PPARG: variants seen among roughly 807,000 people sequenced by gnomAD.
PPARG encodes the protein peroxisome proliferator-activated receptor gamma.
A neutral mutation model predicts 39.2 loss-of-function variants in PPARG; 17 were observed. The observed-to-expected ratio is 0.43, with a 90% CI of 0.30 to 0.65. The LOEUF (loss-of-function observed/expected upper bound fraction) is 0.65. Among genes scored for constraint, PPARG ranks in the 30% least tolerant of loss-of-function variants. PPARG has a pLI of 0.13. For synonymous variants in PPARG, 223 were observed against 215.7 expected (o/e 1.03, Z -0.30); for missense variants, 406 against 585.9 (o/e 0.69, Z 3.17).
intron 2 of PPARG, among the ~76,000 whole-genome samples, chr3:12,319,538 G>T (rs1276717257): frequency 6.6e-6 from 1 of 152,088 alleles, no homozygotes; most frequent in African/African-American, 2.4e-5. Context: ...GAGAAATCTG[G>T]CATGACTAAT....
At chr3:12,290,801 C>G (rs540592091) in intron 1 of PPARG, among the ~76,000 whole-genome samples, 21 of 152,240 alleles carry the variant, frequency 1.4e-4, no homozygotes, top group African/African-American at 1.7e-4. Flanking sequence ...GGAACATATA[C>G]AAGTATTAAT....
chr3:12,300,226 A>C (rs1166818944), intron 1 of PPARG, among the ~76,000 whole-genome samples: 1 of 152,248 alleles, frequency 6.6e-6, no homozygotes, highest in African/African-American at 2.4e-5. Flanking sequence ...TTGGTTCTAC[A>C]AACATTTACC....
At chr3:12,336,195 G>C (rs1043188017) in intron 2 of PPARG, among the ~76,000 whole-genome samples, 5 of 152,196 alleles carry the variant, frequency 3.3e-5, no homozygotes, top group African/African-American at 7.2e-5. Context: ...AAATGCTGCT[G>C]ATCTGAATTC....
intron 4 of PPARG, among the ~76,000 whole-genome samples, chr3:12,382,885 C>G (rs1189654420): frequency 3.3e-5 from 5 of 152,084 alleles, no homozygotes; most frequent in Admixed American, 2.0e-4. Flanking sequence ...GTAAGAGGAT[C>G]CCTTGATCCC....
chr3:12,315,185 CAT>C lies in PPARG; in HGVS notation c.-9+2735_-9+2736del, dbSNP rs564577925. 5.3e-5 allele frequency among the ~76,000 whole-genome samples: 8 copies of C among 152,272 alleles called. No homozygotes were observed. In the East Asian group the frequency reaches 1.5e-3, roughly 29 times the overall value. ...TATGAGATCAACTTTTTAAACTTCG[CAT>C]ATGAGTGAGAACATGTGGTATCTGT... On this transcript the variant is annotated intron_variant, in intron 2 of 7. Transcript: ENST00000651735.
intron 6 of PPARG, among the ~76,000 whole-genome samples, chr3:12,414,485 G>C: frequency 6.6e-6 from 1 of 151,922 alleles, no homozygotes; most frequent in South Asian, 2.1e-4. Flanking sequence ...TTTAGAAAAA[G>C]AAAGTAAATA....
intron 2 of PPARG, among the ~76,000 whole-genome samples, chr3:12,350,696 G>GT (rs1446943700): frequency 1.3e-5 from 2 of 152,152 alleles, no homozygotes; most frequent in Admixed American, 1.3e-4. Flanking sequence ...ACCTAACAGC[G>GT]TAAGTCTATT....
At chr3:12,365,595 G>A (rs538840264) in intron 2 of PPARG, among the ~76,000 whole-genome samples, 15 of 151,700 alleles carry the variant, frequency 9.9e-5, no homozygotes, top group African/African-American at 3.1e-4. Context: ...TATTATTATT[G>A]TTATTATTAT....
chr3:12,398,664 G>A (rs2050353933), intron 5 of PPARG, among the ~76,000 whole-genome samples: 1 of 152,142 alleles, frequency 6.6e-6, no homozygotes, highest in African/African-American at 2.4e-5. Flanking sequence ...CAGAATGTTA[G>A]AGGACCCAGA....
intron 2 of PPARG, among the ~76,000 whole-genome samples, chr3:12,324,885 C>T (rs560223270): frequency 6.6e-6 from 1 of 152,284 alleles, no homozygotes; most frequent in East Asian, 1.9e-4. Flanking sequence ...ATATCCTGCT[C>T]TCTACTGTGT....
intron 7 of PPARG, among the ~76,000 whole-genome samples, chr3:12,426,289 C>A (rs1029667727): frequency 3.3e-5 from 5 of 152,246 alleles, no homozygotes; most frequent in African/African-American, 1.2e-4. Flanking sequence ...GCTCTACCAG[C>A]AACATGTGTG....
At chr3:12,401,142 G>A (rs1249348859) in intron 5 of PPARG, among the ~76,000 whole-genome samples, 1 of 152,120 alleles carries the variant, frequency 6.6e-6, no homozygotes, top group African/African-American at 2.4e-5. Flanking sequence ...TATTTCTAAG[G>A]TCTGACTTCA....
chr3:12,397,078 G>T (rs2050289316), intron 5 of PPARG, among the ~76,000 whole-genome samples: 1 of 151,520 alleles, frequency 6.6e-6, no homozygotes, highest in African/African-American at 2.4e-5. Context: ...ATTGAGATTT[G>T]GTTAAAAATA....
intron 6 of PPARG, among the ~76,000 whole-genome samples, chr3:12,411,941 C>T (rs1420140337): frequency 6.6e-6 from 1 of 152,146 alleles, no homozygotes; most frequent in Admixed American, 6.6e-5. Flanking sequence ...GTGTCTTTCC[C>T]TGGTAAAACT....
intron 2 of PPARG, among the ~76,000 whole-genome samples, chr3:12,321,330 G>C (rs1250764882): frequency 1.3e-5 from 2 of 152,124 alleles, no homozygotes; most frequent in Non-Finnish European, 2.9e-5. Flanking sequence ...TATATATGGG[G>C]TAACTAATTT....
intron 1 of PPARG, among the ~76,000 whole-genome samples, chr3:12,307,505 TAG>T (rs71864715): frequency 0.28 from 42,417 of 151,914 alleles, 6,041 homozygotes; most frequent in East Asian, 0.33. Flanking sequence ...GAAAAAGAAT[TAG>T]AGAATGAGTA....
At chr3:12,351,275 A>G (rs889451991) in intron 2 of PPARG, among the ~76,000 whole-genome samples, 21 of 152,262 alleles carry the variant, frequency 1.4e-4, no homozygotes, top group Admixed American at 3.9e-4. Flanking sequence ...CTCACAAGAC[A>G]CTGAACATGT....
intron 2 of PPARG, among the ~76,000 whole-genome samples, chr3:12,356,460 T>C (rs2048669659): frequency 6.6e-6 from 1 of 152,210 alleles, no homozygotes; most frequent in Non-Finnish European, 1.5e-5. Flanking sequence ...GAATGGCACT[T>C]GTGGTTAACA....
intron 2 of PPARG, among the ~76,000 whole-genome samples, chr3:12,360,587 A>AAAC (rs2048814320): frequency 6.6e-6 from 1 of 151,756 alleles, no homozygotes; most frequent in Non-Finnish European, 1.5e-5. Context: ...AAAAAAAAAA[A>AAAC]AACAGAACAA....
Sources: allele counts gnomAD v4.1 joint callset (sites outside exome capture counted in the v4.1 genomes callset), GRCh38; gene constraint gnomAD v4.1.1; transcripts MANE v1.5; gene names NCBI Gene and HGNC (gene_info 2026-07-23, HGNC 2026-07-21).